The following TENM1 variants were observed in gnomAD, a reference collection of about 807,000 sequenced individuals.
TENM1 encodes the protein teneurin transmembrane protein 1.
Under a neutral mutation model 174.8 loss-of-function variants are expected in TENM1, and 35 were observed. That is an observed-to-expected ratio of 0.20 (90% CI 0.15 to 0.27). TENM1 has a LOEUF of 0.27. Ranked by LOEUF, TENM1 falls within the 10% of genes least tolerant of loss-of-function variation. The pLI is 1.00. For missense variants in TENM1, 1,633 were observed against 2,130.1 expected (o/e 0.77, Z 4.59); for synonymous variants, 781 against 798.7 (o/e 0.98, Z 0.37).
At chrX:124,459,981 C>G (rs1361476492) in intron 22 of TENM1, among the ~76,000 whole-genome samples, 1 of 112,032 alleles carries the variant, frequency 8.9e-6, no homozygotes, top group African/African-American at 3.2e-5. Flanking sequence ...TGAAAAAAAG[C>G]TCAACATTAC....
At chrX:124,547,395 C>T (rs1341555938) in intron 14 of TENM1, among the ~76,000 whole-genome samples, 1 of 112,073 alleles carries the variant, frequency 8.9e-6, no homozygotes, top group East Asian at 2.8e-4. Context: ...AATTCTATTA[C>T]ATATCACTGT....
At chrX:124,927,674 T>C (rs1218291756) in intron 1 of TENM1, among the ~76,000 whole-genome samples, 1 of 111,281 alleles carries the variant, frequency 9.0e-6, no homozygotes, top group African/African-American at 3.3e-5. Flanking sequence ...CTCTGGAAAA[T>C]ACCAAAGCTT....
chrX:124,785,823 T>C (rs1291917475), intron 3 of TENM1, among the ~76,000 whole-genome samples: 2 of 112,274 alleles, frequency 1.8e-5, no homozygotes, highest in African/African-American at 6.5e-5. Context: ...TGCTGTGTAA[T>C]AAATATTCAA....
At chrX:124,596,791 A>T (rs552108476) in intron 11 of TENM1, among the ~76,000 whole-genome samples, 4 of 111,472 alleles carry the variant, frequency 3.6e-5, no homozygotes, top group African/African-American at 1.3e-4. Flanking sequence ...GTAGCAATTG[A>T]AAAACCCTGA....
At chrX:125,066,931 C>G in the TENM1 span, among the ~76,000 whole-genome samples, 1 of 111,248 alleles carries the variant, frequency 9.0e-6, no homozygotes, top group South Asian at 3.8e-4. Context: ...GGAATATCAT[C>G]TAGTTGTTCT....
intron 3 of TENM1, 75 bp from the exon 7 acceptor site, chrX:124,737,272 G>T (rs778267375): frequency 9.6e-7 from 1 of 1,037,072 alleles, no homozygotes; most frequent in Non-Finnish European, 1.3e-6. Context: ...CAGCATGACA[G>T]ACTTACCAGG....
chrX:124,708,290 C>G (rs954972124), intron 4 of TENM1, among the ~76,000 whole-genome samples: 20 of 111,555 alleles, frequency 1.8e-4, no homozygotes, highest in Non-Finnish European at 1.7e-4. Flanking sequence ...AAAATACCCA[C>G]AACAGAGAAT....
intron 1 of TENM1, among the ~76,000 whole-genome samples, chrX:124,940,588 T>C (rs187233706): frequency 1.1e-4 from 12 of 111,391 alleles, no homozygotes; most frequent in Non-Finnish European, 1.7e-4. Flanking sequence ...ACTTATATAC[T>C]AACTTTCCCT....
the TENM1 span, among the ~76,000 whole-genome samples, chrX:125,179,865 A>G: frequency 2.8e-5 from 3 of 106,787 alleles, no homozygotes; most frequent in Admixed American, 1.0e-4. Flanking sequence ...CTTCATTGCT[A>G]TCACCATTGG....
At chrX:124,376,598 G>A (rs900419761) in exon 32 of TENM1, 7 of 112,183 alleles carry the variant, frequency 6.2e-5, no homozygotes, top group South Asian at 3.7e-4. Context: ...TGTTTAGAAA[G>A]TAATTTCTTC....
chrX:124,758,136 G>C (rs2054313210), intron 3 of TENM1, among the ~76,000 whole-genome samples: 1 of 111,168 alleles, frequency 9.0e-6, no homozygotes, highest in Non-Finnish European at 1.9e-5. Context: ...AATAGAAAAG[G>C]AACTCATACA....
At chrX:124,732,616 G>A (rs939774044) in intron 4 of TENM1, among the ~76,000 whole-genome samples, 4 of 111,973 alleles carry the variant, frequency 3.6e-5, no homozygotes, top group African/African-American at 9.7e-5. Flanking sequence ...TCCCTCTTAG[G>A]GTTTTGAGCC....
chrX:124,596,862 TAG>T (rs2049904077), intron 11 of TENM1, among the ~76,000 whole-genome samples: 1 of 110,521 alleles, frequency 9.0e-6, no homozygotes, highest in Admixed American at 9.7e-5. Flanking sequence ...GGATATAATA[TAG>T]AGAATGGAGT....
the TENM1 span, among the ~76,000 whole-genome samples, chrX:125,017,415 C>A: frequency 8.9e-6 from 1 of 111,849 alleles, no homozygotes; most frequent in Non-Finnish European, 1.9e-5. Flanking sequence ...CGCTTTTACA[C>A]TGTTGGTGGG....
chrX:124,579,787 T>C (rs948611972), intron 11 of TENM1, among the ~76,000 whole-genome samples: 4 of 112,031 alleles, frequency 3.6e-5, no homozygotes, highest in Non-Finnish European at 7.5e-5. Context: ...TTGAGTACTC[T>C]GCATAGCTCA....
intron 3 of TENM1, among the ~76,000 whole-genome samples, chrX:124,738,562 G>A (rs2053730375): frequency 1.8e-5 from 2 of 111,519 alleles, no homozygotes; most frequent in Non-Finnish European, 3.8e-5. Context: ...TTATAAAAAG[G>A]ATTCCTTTAG....
chrX:125,139,864 A>ACG, the TENM1 span, among the ~76,000 whole-genome samples: 9,767 of 65,501 alleles, frequency 0.15, 650 homozygotes, highest in Middle Eastern at 0.24. Flanking sequence ...ACACGGAGAG[A>ACG]GAGAGAGAGA....
chrX:124,806,534 A>G (rs1209492729), intron 3 of TENM1, among the ~76,000 whole-genome samples: 2 of 112,223 alleles, frequency 1.8e-5, no homozygotes, highest in Admixed American at 1.9e-4. Context: ...AAAATCAAAA[A>G]CAGAGAGAAT....
intron 8 of TENM1, among the ~76,000 whole-genome samples, chrX:124,647,855 TCA>T (rs2051201764): frequency 9.0e-6 from 1 of 110,825 alleles, no homozygotes; most frequent in Non-Finnish European, 1.9e-5. Context: ...CCTATTAAAC[TCA>T]CACTTTTCTT....
Sources: gnomAD v4.1 joint callset for allele counts (sites outside exome capture counted in the v4.1 genomes callset) on GRCh38, gnomAD v4.1.1 for gene constraint, MANE v1.5 for transcripts, NCBI Gene and HGNC (gene_info 2026-07-23, HGNC 2026-07-21) for gene names.